The following TRMT9B variants were observed in gnomAD, a reference collection of about 807,000 sequenced individuals.
TRMT9B encodes the protein probable tRNA methyltransferase 9B.
TRMT9B carries 16 observed loss-of-function variants against 11.5 expected under a neutral mutation model. The ratio of observed to expected loss-of-function variants is 1.39; its 90% CI spans 0.94 to 2.11. TRMT9B has a LOEUF of 2.11. Ranked by LOEUF, TRMT9B falls within the 30% of genes most tolerant of loss-of-function variation. The probability of loss-of-function intolerance (pLI) is 0.00; values close to 1 mark genes in which losing one functional copy is unlikely to be tolerated. For synonymous variants in TRMT9B, 274 were observed against 192.4 expected (o/e 1.42, Z -3.51); for missense variants, 941 against 553.8 (o/e 1.70, Z -7.02).
At chr8:13,003,658 G>T (rs775653797) in intron 2 of TRMT9B, among the ~76,000 whole-genome samples, 11 of 151,730 alleles carry the variant, frequency 7.2e-5, no homozygotes, top group Non-Finnish European at 1.3e-4. Context: ...GCCTAAGCCA[G>T]CTGAACCCAA....
intron 1 of TRMT9B, among the ~76,000 whole-genome samples, chr8:12,974,305 C>G (rs1804090585): frequency 6.6e-6 from 1 of 152,032 alleles, no homozygotes; most frequent in Non-Finnish European, 1.5e-5. Flanking sequence ...ACCACCTTTC[C>G]CACTGCAAGC....
At chr8:13,011,717 C>T (rs1194655039) in intron 3 of TRMT9B, 40 of 975,292 alleles carry the variant, frequency 4.1e-5, no homozygotes, top group Non-Finnish European at 4.7e-5. Flanking sequence ...GTCTCTGCTA[C>T]TGGAAAGTGA....
intron 3 of TRMT9B, chr8:13,010,552 A>C: frequency 4.1e-6 from 4 of 985,228 alleles, no homozygotes; most frequent in Non-Finnish European, 4.8e-6. Flanking sequence ...GAAGGCCATT[A>C]GAAATGAATA....
intron 1 of TRMT9B, chr8:12,952,253 G>C (rs1334851815): frequency 6.9e-6 from 3 of 432,780 alleles, no homozygotes; most frequent in African/African-American, 4.1e-5. Context: ...AGAAGCTTCT[G>C]TTGCGCCCTA....
At chr8:12,965,044 A>G (rs1380815520) in intron 1 of TRMT9B, among the ~76,000 whole-genome samples, 1 of 152,236 alleles carries the variant, frequency 6.6e-6, no homozygotes, top group Non-Finnish European at 1.5e-5. Flanking sequence ...TAGAAGAAGT[A>G]CAATTTGCTG....
At chr8:13,010,537 A>C (rs1811396646) in intron 3 of TRMT9B, 1 of 984,874 alleles carries the variant, frequency 1.0e-6, no homozygotes. Flanking sequence ...TCAAGATTTA[A>C]ACATGAAGGC....
chr8:12,953,656 G>C (rs766499703), intron 1 of TRMT9B, among the ~76,000 whole-genome samples: 1 of 152,210 alleles, frequency 6.6e-6, no homozygotes, highest in Non-Finnish European at 1.5e-5. Flanking sequence ...GAAGTTTGGG[G>C]AAGGGAGAGT....
chr8:12,948,516 AATAT>A (rs1173623920), intron 1 of TRMT9B, among the ~76,000 whole-genome samples: 2 of 148,190 alleles, frequency 1.3e-5, no homozygotes, highest in African/African-American at 4.9e-5. Flanking sequence ...AATACATGTG[AATAT>A]ATATTCATAT....
intron 2 of TRMT9B, among the ~76,000 whole-genome samples, chr8:12,999,177 TA>T (rs1808910557): frequency 6.6e-6 from 1 of 151,482 alleles, no homozygotes; most frequent in African/African-American, 2.4e-5. Flanking sequence ...TACGTGCCTA[TA>T]ATTCCAGGTA....
At chr8:12,997,923 T>C (rs967272267) in intron 2 of TRMT9B, among the ~76,000 whole-genome samples, 6 of 152,154 alleles carry the variant, frequency 3.9e-5, no homozygotes, top group African/African-American at 1.4e-4. Flanking sequence ...ATTCTTTGTG[T>C]TTTCCATTTT....
rs146931482 is a variant in TRMT9B at position 12,996,069 on chromosome 8, T to A, written c.-2+5038T>A. ...GTAAGCAGCAATAGCAACCACCTGC[T>A]GCTACAAGCTGAGGATCATGTAGCC... On this transcript the variant is annotated intron_variant, in intron 2 of 4. Coordinates refer to ENST00000524591, the MANE Select transcript of TRMT9B (RefSeq NM_020844.3). Among the ~76,000 whole-genome samples the A allele has an allele frequency of 2.4e-3, 364 of 152,330 alleles. 1 individual carries two copies. The highest frequency in any genetic ancestry group is 5.9e-3 in the Admixed American group (91 of 15,300).
chr8:12,984,123 A>T (rs540387649), intron 1 of TRMT9B, among the ~76,000 whole-genome samples: 3 of 152,210 alleles, frequency 2.0e-5, no homozygotes, highest in Non-Finnish European at 4.4e-5. Flanking sequence ...ACTTTGCTTC[A>T]TGCCCAAAAT....
At chr8:12,993,269 A>G (rs757525299) in intron 2 of TRMT9B, among the ~76,000 whole-genome samples, 1 of 152,200 alleles carries the variant, frequency 6.6e-6, no homozygotes, top group African/African-American at 2.4e-5. Flanking sequence ...AATATTATCC[A>G]ATGAGGTTGT....
At chr8:13,005,614 C>G (rs902251426) in intron 2 of TRMT9B, among the ~76,000 whole-genome samples, 1 of 152,122 alleles carries the variant, frequency 6.6e-6, no homozygotes, top group Admixed American at 6.6e-5. Context: ...ACAACCAGTC[C>G]TATATTTTAC....
rs1254316320 is a variant in TRMT9B at position 13,022,629 on chromosome 8, A to G, written c.*585A>G. On this transcript the variant is annotated 3_prime_UTR_variant, in exon 5 of 5. Coordinates refer to ENST00000524591, the MANE Select transcript of TRMT9B (RefSeq NM_020844.3). ...TTTTACAAGGACTTTACTAAATTAT[A>G]AGCAAACTTGCTTCAAAATAAGTTG... The G allele has an allele frequency of 6.0e-6, 1 of 167,144 alleles. No individual in the cohort carries two copies. The highest frequency in any genetic ancestry group is 1.5e-5 in the Non-Finnish European group (1 of 68,152). The allele number at this position is 167,144 out of a possible 1,614,324, so 10.4% of individuals were successfully genotyped here.
At chr8:13,009,292 G>C (rs1248622033) in intron 3 of TRMT9B, among the ~76,000 whole-genome samples, 1 of 151,798 alleles carries the variant, frequency 6.6e-6, no homozygotes, top group East Asian at 1.9e-4. Flanking sequence ...GTAAGACGTT[G>C]GTTAAAAGGC....
chr8:13,012,421 C>T (rs1387301066), intron 3 of TRMT9B: 3 of 455,172 alleles, frequency 6.6e-6, no homozygotes, highest in Non-Finnish European at 9.1e-6. Context: ...ACTAAAAATA[C>T]AAAATTATCC....
intron 1 of TRMT9B, among the ~76,000 whole-genome samples, chr8:12,954,432 G>A (rs1801036689): frequency 6.6e-6 from 1 of 150,434 alleles, no homozygotes; most frequent in South Asian, 2.1e-4. Flanking sequence ...TCATAATATT[G>A]AGAGCAAAAT....
At chr8:12,988,384 T>G (rs1585222849) in intron 1 of TRMT9B, among the ~76,000 whole-genome samples, 1 of 152,222 alleles carries the variant, frequency 6.6e-6, no homozygotes, top group East Asian at 1.9e-4. Context: ...AAAATGATTA[T>G]TTTATAATGA....
Sources: gnomAD v4.1 joint callset for allele counts (sites outside exome capture counted in the v4.1 genomes callset) on GRCh38, gnomAD v4.1.1 for gene constraint, MANE v1.5 for transcripts, NCBI Gene and HGNC (gene_info 2026-07-23, HGNC 2026-07-21) for gene names.